TBC1D4: variants seen among roughly 807,000 people sequenced by gnomAD.
TBC1D4 encodes the protein TBC1 domain family member 4.
Under a neutral mutation model 142.5 loss-of-function variants are expected in TBC1D4, and 121 were observed. The observed-to-expected ratio is 0.85, with a 90% CI of 0.73 to 0.99. The LOEUF (loss-of-function observed/expected upper bound fraction) is 0.99. Ranked by LOEUF, TBC1D4 falls within the 50% of genes least tolerant of loss-of-function variation. The probability of loss-of-function intolerance (pLI) is 0.00; values close to 1 mark genes in which losing one functional copy is unlikely to be tolerated. For synonymous variants in TBC1D4, 630 were observed against 628.2 expected (o/e 1.00, Z -0.04); for missense variants, 1,475 against 1,606.6 (o/e 0.92, Z 1.40).
chr13:75,393,022 A>G (rs1328578491), intron 1 of TBC1D4, among the ~76,000 whole-genome samples: 3 of 151,888 alleles, frequency 2.0e-5, no homozygotes, highest in Non-Finnish European at 1.5e-5. Context: ...CAAATCCTAC[A>G]GTATACCCTT....
intron 3 of TBC1D4, among the ~76,000 whole-genome samples, chr13:75,357,466 A>G (rs2138150625): frequency 6.6e-6 from 1 of 152,256 alleles, no homozygotes; most frequent in East Asian, 1.9e-4. Context: ...TCTCTCCTAT[A>G]ACATTCCCTT....
intron 1 of TBC1D4, among the ~76,000 whole-genome samples, chr13:75,369,569 A>C (rs1019654136): frequency 3.9e-5 from 6 of 152,178 alleles, no homozygotes; most frequent in Non-Finnish European, 7.3e-5. Flanking sequence ...ATAGCTTCAC[A>C]TATTAGAAAG....
intron 4 of TBC1D4, among the ~76,000 whole-genome samples, chr13:75,350,843 G>A (rs1881533170): frequency 6.6e-6 from 1 of 151,970 alleles, no homozygotes; most frequent in Non-Finnish European, 1.5e-5. Flanking sequence ...AACTTCTCCT[G>A]TACACAAATA....
At chr13:75,445,509 G>A (rs1423007837) in intron 1 of TBC1D4, among the ~76,000 whole-genome samples, 10 of 152,102 alleles carry the variant, frequency 6.6e-5, no homozygotes, top group Admixed American at 3.3e-4. Context: ...CACTGAGATC[G>A]TATATGCAAA....
intron 15 of TBC1D4, among the ~76,000 whole-genome samples, chr13:75,303,325 A>AG (rs1303273792): frequency 2.0e-5 from 3 of 152,182 alleles, no homozygotes; most frequent in East Asian, 3.9e-4. Context: ...TAAAAAAAAA[A>AG]GAAATAATAT....
intron 1 of TBC1D4, among the ~76,000 whole-genome samples, chr13:75,384,676 C>A (rs923247925): frequency 6.6e-6 from 1 of 150,722 alleles, no homozygotes; most frequent in Middle Eastern, 3.3e-3. Context: ...ACATAAATAC[C>A]AGCTAAATGG....
At chr13:75,419,955 G>C (rs1886093624) in intron 1 of TBC1D4, among the ~76,000 whole-genome samples, 1 of 152,218 alleles carries the variant, frequency 6.6e-6, no homozygotes, top group Non-Finnish European at 1.5e-5. Flanking sequence ...TCCTCGCGCA[G>C]GAAGCGGCAC....
At chr13:75,480,600 C>T (rs1334838413) in intron 1 of TBC1D4, among the ~76,000 whole-genome samples, 1 of 152,100 alleles carries the variant, frequency 6.6e-6, no homozygotes, top group Non-Finnish European at 1.5e-5. Context: ...TACTACACTG[C>T]CTCCAATAAG....
rs7326258 is a variant in TBC1D4 at position 75,444,437 on chromosome 13, T to C, written c.498+36833A>G. 9.8e-3 allele frequency among the ~76,000 whole-genome samples: 1,488 copies of C among 152,300 alleles called. 29 individuals are homozygous for C. The highest frequency in any genetic ancestry group is 0.034 in the African/African-American group (1,413 of 41,570). ...CCACCTTTCCTGGCCTCTAACTCTT[T>C]AGTAGAAAATTAAATGCTGTGATCA... On this transcript the variant is annotated intron_variant, in intron 1 of 20. Coordinates refer to ENST00000377636, the MANE Select transcript of TBC1D4 (RefSeq NM_014832.5).
rs1448328839 is a variant in TBC1D4 at position 75,448,435 on chromosome 13, G to T, written c.498+32835C>A. Among the ~76,000 whole-genome samples, 3 of 152,080 alleles carry T rather than the reference G, an allele frequency of 2.0e-5. No individual in the cohort carries two copies. The East Asian group carries it at 5.8e-4, about 29-fold the overall frequency. On this transcript the variant is annotated intron_variant, in intron 1 of 20. Coordinates refer to ENST00000377636, the MANE Select transcript of TBC1D4 (RefSeq NM_014832.5). ...ATACAAAAAATTAGCCAGACGTGGT[G>T]GCGCATCCTGTAATCCCAGCTACTC...
rs1593851551 is a variant in TBC1D4 at position 75,286,748 on chromosome 13, T to C, written c.*44A>G. 2 of 1,580,392 alleles carry C rather than the reference T, an allele frequency of 1.3e-6. No homozygotes were observed. The highest frequency in any genetic ancestry group is 4.5e-5 in the East Asian group (2 of 44,282). ...GCGACATGCAGGCTCTTCCTCTCTG[T>C]AGTATTCTAAGGAGCACTTTCTGCT... is the stretch of plus-strand genomic sequence containing the variant. On this transcript the variant is annotated 3_prime_UTR_variant, in exon 21 of 21. Transcript: ENST00000377636.
intron 1 of TBC1D4, among the ~76,000 whole-genome samples, chr13:75,391,325 A>G (rs1884476680): frequency 6.6e-6 from 1 of 152,138 alleles, no homozygotes; most frequent in Non-Finnish European, 1.5e-5. Flanking sequence ...ACTCCAAAAG[A>G]GTTGCCTGCA....
chr13:75,368,521 G>C (rs1202797834), intron 1 of TBC1D4, among the ~76,000 whole-genome samples: 1 of 152,112 alleles, frequency 6.6e-6, no homozygotes. Context: ...CTGCCTTTTT[G>C]ATGGCCTCTA....
chr13:75,420,601 A>C (rs921970860), intron 1 of TBC1D4, among the ~76,000 whole-genome samples: 1 of 152,246 alleles, frequency 6.6e-6, no homozygotes, highest in Non-Finnish European at 1.5e-5. Flanking sequence ...TACTTTGAAG[A>C]AGATAATCAG....
intron 1 of TBC1D4, among the ~76,000 whole-genome samples, chr13:75,476,596 A>G (rs2138347795): frequency 6.6e-6 from 1 of 152,348 alleles, no homozygotes; most frequent in African/African-American, 2.4e-5. Flanking sequence ...GGGAAAGGAC[A>G]GGCAAATCAT....
intron 2 of TBC1D4, among the ~76,000 whole-genome samples, chr13:75,360,096 T>C (rs1325723576): frequency 1.5e-5 from 1 of 68,660 alleles, no homozygotes; most frequent in Non-Finnish European, 3.6e-5. Context: ...TCAATTATTA[T>C]AAGATACAAA....
chr13:75,400,582 C>A (rs1212445020), intron 1 of TBC1D4, among the ~76,000 whole-genome samples: 1 of 151,546 alleles, frequency 6.6e-6, no homozygotes, highest in Non-Finnish European at 1.5e-5. Context: ...CTCAGCCTCC[C>A]AAGTAGCTGG....
intron 5 of TBC1D4, among the ~76,000 whole-genome samples, chr13:75,344,955 C>T (rs1881028155): frequency 6.6e-6 from 1 of 152,044 alleles, no homozygotes; most frequent in African/African-American, 2.4e-5. Context: ...GTACTTTGTA[C>T]CTAAGCATAA....
intron 1 of TBC1D4, among the ~76,000 whole-genome samples, chr13:75,411,177 T>C (rs960202795): frequency 6.6e-6 from 1 of 152,058 alleles, no homozygotes; most frequent in Non-Finnish European, 1.5e-5. Context: ...GGCAAGCACA[T>C]GGAAAATATG....
Sources: allele counts gnomAD v4.1 joint callset (sites outside exome capture counted in the v4.1 genomes callset), GRCh38; gene constraint gnomAD v4.1.1; transcripts MANE v1.5; gene names NCBI Gene and HGNC (gene_info 2026-07-23, HGNC 2026-07-21).